Variants in HS6ST3 observed in about 807,000 individuals in gnomAD.
HS6ST3 encodes heparan sulfate 6-O-sulfotransferase 3, also known as heparan-sulfate 6-O-sulfotransferase 3.
A neutral mutation model predicts 36.7 loss-of-function variants in HS6ST3; 12 were observed. The observed-to-expected ratio is 0.33, with a 90% CI of 0.21 to 0.53. HS6ST3 has a LOEUF of 0.53. HS6ST3 is among the 20% of genes least tolerant of loss of function. HS6ST3 has a pLI of 0.95. For missense variants in HS6ST3, 584 were observed against 640.9 expected (o/e 0.91, Z 0.96); for synonymous variants, 240 against 257.5 (o/e 0.93, Z 0.65).
intron 1 of HS6ST3, among the ~76,000 whole-genome samples, chr13:96,767,503 G>A (rs1419686268): frequency 6.6e-6 from 1 of 152,150 alleles, no homozygotes; most frequent in Non-Finnish European, 1.5e-5. Flanking sequence ...AATTGCAAAA[G>A]CATAAAAAAT....
intron 1 of HS6ST3, among the ~76,000 whole-genome samples, chr13:96,697,647 C>A (rs1453034610): frequency 2.0e-5 from 3 of 152,206 alleles, no homozygotes; most frequent in African/African-American, 7.2e-5. Context: ...AAGTGCAGCT[C>A]ACCTTTGAAG....
chr13:96,439,233 C>T (rs771700376), intron 1 of HS6ST3, among the ~76,000 whole-genome samples: 1 of 152,108 alleles, frequency 6.6e-6, no homozygotes, highest in Non-Finnish European at 1.5e-5. Context: ...TGGTCCTGGT[C>T]CTCTTTATCT....
In HS6ST3 at chr13:96,600,959, C is replaced by T. The variant is rs79762833; in HGVS notation, c.708-231531C>T. 7.1e-3 allele frequency among the ~76,000 whole-genome samples: 1,086 copies of T among 152,120 alleles called. 14 individuals are homozygous for T. The highest frequency in any genetic ancestry group is 0.024 in the African/African-American group (987 of 41,496). ...TGCCAGATTCAAAATTCTTGGCTGG[C>T]GGTTATTCTTTTTGAAGACACTAAA... is the stretch of plus-strand genomic sequence containing the variant. On this transcript the variant is annotated intron_variant, in intron 1 of 1. Coordinates refer to ENST00000376705, the MANE Select transcript of HS6ST3 (RefSeq NM_153456.4).
chr13:96,230,164 G>A (rs1347256633), intron 1 of HS6ST3, among the ~76,000 whole-genome samples: 1 of 152,126 alleles, frequency 6.6e-6, no homozygotes, highest in East Asian at 1.9e-4. Flanking sequence ...GTTGTTGAAG[G>A]ACCCTGAGAA....
At chr13:96,734,453 T>C (rs995615935) in intron 1 of HS6ST3, among the ~76,000 whole-genome samples, 1 of 152,220 alleles carries the variant, frequency 6.6e-6, no homozygotes, top group Non-Finnish European at 1.5e-5. Flanking sequence ...TATTCAAGAA[T>C]GCAGTTCTTA....
chr13:96,427,240 G>GGAT (rs2055591732), intron 1 of HS6ST3: 1 of 154,276 alleles, frequency 6.5e-6, no homozygotes, highest in African/African-American at 2.4e-5. Flanking sequence ...ATGTGACCTC[G>GGAT]GATGAATCAC....
At chr13:96,092,066 A>T (rs978012141) in intron 1 of HS6ST3, among the ~76,000 whole-genome samples, 1 of 152,120 alleles carries the variant, frequency 6.6e-6, no homozygotes, top group African/African-American at 2.4e-5. Context: ...TGGCTTTTGG[A>T]TGGCAGCTCA....
intron 1 of HS6ST3, among the ~76,000 whole-genome samples, chr13:96,459,100 T>TAAAAAAAAAAAAAAC (rs2055768813): frequency 1.6e-5 from 1 of 63,884 alleles, no homozygotes; most frequent in Non-Finnish European, 2.7e-5. Flanking sequence ...CAAGACTGTC[T>TAAAAAAAAAAAAAAC]AAAAAAAAAA....
At chr13:96,350,867 A>G (rs1442965742) in intron 1 of HS6ST3, among the ~76,000 whole-genome samples, 1 of 152,210 alleles carries the variant, frequency 6.6e-6, no homozygotes, top group Admixed American at 6.5e-5. Context: ...CCAGGTCTCA[A>G]AAATGCTCCC....
At chr13:96,293,200 A>G (rs1246339512) in intron 1 of HS6ST3, among the ~76,000 whole-genome samples, 1 of 152,184 alleles carries the variant, frequency 6.6e-6, no homozygotes, top group African/African-American at 2.4e-5. Flanking sequence ...TTTCTTCAGA[A>G]TAAAATAGGA....
chr13:96,765,287 T>A (rs1248561200), intron 1 of HS6ST3, among the ~76,000 whole-genome samples: 1 of 151,942 alleles, frequency 6.6e-6, no homozygotes, highest in Non-Finnish European at 1.5e-5. Context: ...TTAGCCAGGG[T>A]GGTCTCGATC....
chr13:96,584,708 T>G (rs150836296), intron 1 of HS6ST3, among the ~76,000 whole-genome samples: 11 of 152,314 alleles, frequency 7.2e-5, no homozygotes, highest in African/African-American at 2.6e-4. Context: ...AGAGCAGCCT[T>G]GAGCTCCTGG....
At position 96,698,334 on chromosome 13, in the gene HS6ST3, T is replaced by C. The variant is rs143672064; in HGVS notation, c.708-134156T>C. 4.3e-4 allele frequency among the ~76,000 whole-genome samples: 65 copies of C among 152,298 alleles called. No individual in the cohort carries two copies. In the East Asian group the frequency reaches 0.011, roughly 25 times the overall value. ...CCTTGTGATAGTTTGCTGAGAATGATGGTTTCCAGCTTCATCCATGTCCCT... is the reference window on the plus strand; with the variant it reads ...CCTTGTGATAGTTTGCTGAGAATGACGGTTTCCAGCTTCATCCATGTCCCT... On this transcript the variant is annotated intron_variant, in intron 1 of 1. Transcript: ENST00000376705.
At chr13:96,242,120 C>A (rs2054563715) in intron 1 of HS6ST3, among the ~76,000 whole-genome samples, 1 of 151,958 alleles carries the variant, frequency 6.6e-6, no homozygotes, top group South Asian at 2.1e-4. Flanking sequence ...GAAGTGGGGG[C>A]CGGGCGCATA....
intron 1 of HS6ST3, among the ~76,000 whole-genome samples, chr13:96,816,887 GGGTGCTA>G (rs1878432159): frequency 6.6e-6 from 1 of 152,162 alleles, no homozygotes; most frequent in South Asian, 2.1e-4. Flanking sequence ...CCTTTGATAA[GGGTGCTA>G]GGTCGTGTTC....
intron 1 of HS6ST3, among the ~76,000 whole-genome samples, chr13:96,392,443 A>T (rs549094430): frequency 2.3e-4 from 35 of 152,308 alleles, no homozygotes; most frequent in Non-Finnish European, 4.6e-4. Context: ...CTCAATAATA[A>T]AACAAACAGC....
At chr13:96,150,448 T>C (rs1566894031) in intron 1 of HS6ST3, among the ~76,000 whole-genome samples, 2 of 152,118 alleles carry the variant, frequency 1.3e-5, no homozygotes, top group Non-Finnish European at 2.9e-5. Flanking sequence ...AGGTTGGGTC[T>C]CACCAGGGAC....
rs1252442745 is a variant in HS6ST3 at position 96,614,313 on chromosome 13, A to C, written c.708-218177A>C. ...GATCCATCTCAAAAAAAAAAAAAAA[A>C]AAAAAAAAAAAAAAACAGTTATTAC... On this transcript the variant is annotated intron_variant, in intron 1 of 1. Coordinates refer to ENST00000376705, the MANE Select transcript of HS6ST3 (RefSeq NM_153456.4). 4.1e-3 allele frequency among the ~76,000 whole-genome samples: 604 copies of C among 148,492 alleles called. 9 individuals are homozygous for C. The highest frequency in any genetic ancestry group is 6.9e-3 in the Middle Eastern group (2 of 290).
At chr13:96,195,080 A>G (rs1219998270) in intron 1 of HS6ST3, among the ~76,000 whole-genome samples, 3 of 152,192 alleles carry the variant, frequency 2.0e-5, no homozygotes, top group Non-Finnish European at 4.4e-5. Context: ...CAAGAGAGCA[A>G]TATGTTGGGG....
Sources: gnomAD v4.1 joint callset for allele counts (sites outside exome capture counted in the v4.1 genomes callset) on GRCh38, gnomAD v4.1.1 for gene constraint, MANE v1.5 for transcripts, NCBI Gene and HGNC (gene_info 2026-07-23, HGNC 2026-07-21) for gene names.